Variants in DGLUCY observed in about 807,000 individuals in gnomAD.
DGLUCY encodes the protein D-glutamate cyclase.
In DGLUCY, 58 loss-of-function variants were observed where a neutral mutation model predicts 58.5. That is an observed-to-expected ratio of 0.99 (90% confidence interval 0.80 to 1.23). DGLUCY has a LOEUF of 1.23. DGLUCY is among the 50% of genes most tolerant of loss of function. The probability of loss-of-function intolerance (pLI) is 0.00; values close to 1 mark genes in which losing one functional copy is unlikely to be tolerated. For missense variants in DGLUCY, 779 were observed against 784.7 expected, an observed-to-expected ratio of 0.99 and a Z score of 0.09; for synonymous variants, 325 against 314.1, an observed-to-expected ratio of 1.03 and a Z score of -0.37.
intron 3 of DGLUCY, 39 bp from the exon 4 acceptor site, chr14:91,167,186 C>G (rs781206371): frequency 6.5e-7 from 1 of 1,546,206 alleles, no homozygotes; most frequent in Admixed American, 2.2e-5. Context: ...GCCAAGAAAC[C>G]GCTGACTATA....
chr14:91,160,012 C>G (rs1428878822), intron 2 of DGLUCY, among the ~76,000 whole-genome samples: 1 of 152,128 alleles, frequency 6.6e-6, no homozygotes, highest in East Asian at 1.9e-4. Context: ...GAATGGAAAG[C>G]TGTTAGGGAA....
Position 91,167,212 on chromosome 14 carries a change from C to G in DGLUCY, c.104-13C>G. 6.4e-7 allele frequency: 1 copy of G among 1,567,434 alleles called. No homozygotes were observed. Among genetic ancestry groups the G allele is most frequent in the Non-Finnish European group, 8.6e-7 (1 of 1,163,450 alleles). ...GCTGACTATACATTTTTCCCTTCTC[C>G]CACCATACCCAGAGCTCCGACCAGC... On this transcript the variant is annotated splice_polypyrimidine_tract_variant and intron_variant, in intron 3 of 13. Transcript: ENST00000256324.
chr14:91,062,135 A>G (rs970857609), intron 1 of DGLUCY, among the ~76,000 whole-genome samples: 6 of 152,238 alleles, frequency 3.9e-5, no homozygotes, highest in African/African-American at 1.2e-4. Context: ...TAGACAATAA[A>G]TAAAAGAAGT....
Position 91,193,843 on chromosome 14 carries a change from GAA to G in DGLUCY, c.1196-2515_1196-2514del, listed in dbSNP as rs76724762. Among the ~76,000 whole-genome samples the G allele has an allele frequency of 6.5e-3, 666 of 102,470 alleles. 4 individuals are homozygous for G. The highest frequency in any genetic ancestry group is 9.0e-3 in the Non-Finnish European group (427 of 47,212). 67.2% of individuals were successfully genotyped at this position (102,470 alleles called of 152,430 possible). ...GGCGACAGAGTGATATTCCATCTTA[GAA>G]AAAAAAAAAAAAAAAAGGAGTTTTA... is the stretch of plus-strand genomic sequence containing the variant. On this transcript the variant is annotated intron_variant, in intron 9 of 13. Coordinates refer to ENST00000256324, the MANE Select transcript of DGLUCY (RefSeq NM_001102368.3).
At chr14:91,204,962 C>T (rs1242722107) in intron 12 of DGLUCY, 137 bp downstream of exon 12, 2 of 1,147,264 alleles carry the variant, frequency 1.7e-6, no homozygotes, top group Non-Finnish European at 2.5e-6. Flanking sequence ...AGGTGGTGCT[C>T]AGCCTATGAC....
At chr14:91,196,266 G>A in intron 9 of DGLUCY, 109 bp from the exon 10 acceptor site, 1 of 782,204 alleles carries the variant, frequency 1.3e-6, no homozygotes, top group Non-Finnish European at 2.2e-6. Context: ...GATAGATGTT[G>A]TTCAACAACA....
intron 1 of DGLUCY, among the ~76,000 whole-genome samples, chr14:91,115,565 A>G (rs2140112252): frequency 6.6e-6 from 1 of 152,300 alleles, no homozygotes; most frequent in South Asian, 2.1e-4. Context: ...CAGGGACTAC[A>G]GGCACATGCC....
At chr14:91,150,452 C>CT (rs973442724) in intron 1 of DGLUCY, among the ~76,000 whole-genome samples, 23 of 150,886 alleles carry the variant, frequency 1.5e-4, no homozygotes, top group South Asian at 8.4e-4. Flanking sequence ...GTGAATGTTT[C>CT]TTTTTTTTTG....
Position 91,074,160 on chromosome 14 carries a change from C to CACACACAT in DGLUCY, c.-82+13457_-82+13458insCACACATA, listed in dbSNP as rs1453975330. On this transcript the variant is annotated intron_variant, in intron 1 of 4. Coordinates refer to the DGLUCY transcript ENST00000521334. Reference sequence around the variant, plus strand: ...ACACACACACACACACACACACACACAGTCAAGCACCTGTATTCCCAGCTA... The same window carrying CACACACAT: ...ACACACACACACACACACACACACACACACACATAGTCAAGCACCTGTATTCCCAGCTA... 1.8e-3 allele frequency among the ~76,000 whole-genome samples: 242 copies of CACACACAT among 136,066 alleles called. 3 individuals carry two copies. The highest frequency in any genetic ancestry group is 2.8e-3 in the African/African-American group (94 of 33,758). 89.3% of individuals were successfully genotyped at this position (136,066 alleles called of 152,430 possible). A position where few individuals can be genotyped will look rare whatever the true frequency, so the allele number is the denominator to read the frequency against.
intron 1 of DGLUCY, among the ~76,000 whole-genome samples, chr14:91,073,673 A>T (rs2043960535): frequency 1.3e-5 from 2 of 152,028 alleles, no homozygotes; most frequent in African/African-American, 4.8e-5. Context: ...TTGAAAATGG[A>T]GGGGACCAAG....
At chr14:91,172,648 C>CT (rs1215810602) in intron 5 of DGLUCY, among the ~76,000 whole-genome samples, 73 of 145,682 alleles carry the variant, frequency 5.0e-4, no homozygotes, top group South Asian at 6.5e-4. Context: ...CACATTTTTC[C>CT]TTTTTTTTTT....
At chr14:91,119,497 A>G (rs2045219465) in intron 1 of DGLUCY, among the ~76,000 whole-genome samples, 1 of 152,030 alleles carries the variant, frequency 6.6e-6, no homozygotes, top group African/African-American at 2.4e-5. Context: ...ACTCTTTCTA[A>G]GTTCCCACCC....
chr14:91,151,658 CTTT>C (rs772435841), intron 1 of DGLUCY, among the ~76,000 whole-genome samples: 7 of 134,106 alleles, frequency 5.2e-5, no homozygotes, highest in East Asian at 4.4e-4. Context: ...CTTTTCTTTT[CTTT>C]TTTTTTTTTT....
In DGLUCY at chr14:91,160,344, G is replaced by A; in HGVS notation, c.50G>A (p.Ser17Asn). 1 of 1,568,338 alleles carries A rather than the reference G, an allele frequency of 6.4e-7. No individual in the cohort carries two copies. Among genetic ancestry groups the A allele is most frequent in the Non-Finnish European group, 8.7e-7 (1 of 1,153,774 alleles). The change falls in exon 3 of 14, where the codon AGT (serine) becomes AAT (asparagine). Residue 17 changes from serine (S) to asparagine (N), a missense_variant. By Grantham distance (46) the Ser-to-Asn change is conservative. Transcript: ENST00000256324. ...TCCCGCCTTCCCTCTGCCATAAGGAGTTTGATTCTACAAAAGAAACCAAAC... is the reference window on the plus strand; with the variant it reads ...TCCCGCCTTCCCTCTGCCATAAGGAATTTGATTCTACAAAAGAAACCAAAC... ...LRSRLPSAIR[S>N]LILQKKPNIR...
At chr14:91,170,676 C>A (rs2048529510) in intron 5 of DGLUCY, among the ~76,000 whole-genome samples, 1 of 152,162 alleles carries the variant, frequency 6.6e-6, no homozygotes, top group African/African-American at 2.4e-5. Context: ...CTGGCAGTCA[C>A]AAACACAGCA....
intron 1 of DGLUCY, among the ~76,000 whole-genome samples, chr14:91,147,358 C>T (rs1307900450): frequency 6.6e-6 from 1 of 152,132 alleles, no homozygotes; most frequent in Non-Finnish European, 1.5e-5. Context: ...ACCCAGAAAG[C>T]CGAGCAAGGT....
chr14:91,137,493 A>C (rs1595730024), intron 1 of DGLUCY, among the ~76,000 whole-genome samples: 1 of 149,624 alleles, frequency 6.7e-6, no homozygotes, highest in South Asian at 2.1e-4. Context: ...TCAAGCGATT[A>C]CCCTGCCTCA....
chr14:91,190,210 A>G (rs2049795694), intron 9 of DGLUCY, among the ~76,000 whole-genome samples: 1 of 151,522 alleles, frequency 6.6e-6, no homozygotes, highest in Non-Finnish European at 1.5e-5. Context: ...GATGGTCTCG[A>G]TCTCCTGACC....
chr14:91,144,002 C>T (rs11844418), intron 1 of DGLUCY, among the ~76,000 whole-genome samples: 6,670 of 152,268 alleles, frequency 0.044, 455 homozygotes, highest in African/African-American at 0.15. Context: ...GCATTAGTTC[C>T]TCTGTGTAAG....
Sources: gnomAD v4.1 joint callset for allele counts (sites outside exome capture counted in the v4.1 genomes callset) on GRCh38, gnomAD v4.1.1 for gene constraint, MANE v1.5 for transcripts, NCBI Gene and HGNC (gene_info 2026-07-23, HGNC 2026-07-21) for gene names.